Variants in ZNF385C observed in about 807,000 individuals in gnomAD.
The protein encoded by ZNF385C is zinc finger protein 385C.
Under a neutral mutation model 35.4 loss-of-function variants are expected in ZNF385C, and 28 were observed. The ratio of observed to expected loss-of-function variants is 0.79; its 90% confidence interval spans 0.59 to 1.08. The LOEUF is 1.08. Ranked by LOEUF, ZNF385C falls within the 50% of genes least tolerant of loss-of-function variation. The pLI, the probability that ZNF385C is intolerant of heterozygous loss-of-function variation, is 0.00. For missense variants in ZNF385C, 605 were observed against 595.6 expected (o/e 1.02, Z -0.16); for synonymous variants, 248 against 248.2 (o/e 1.00, Z 0.01).
At chr17:42,039,899 C>T (rs2052967606) in intron 2 of ZNF385C, 1 of 1,231,422 alleles carries the variant, frequency 8.1e-7, no homozygotes, top group Non-Finnish European at 1.0e-6. Flanking sequence ...TCCAGCAGGC[C>T]AGCGCCCGCG....
intron 2 of ZNF385C, chr17:42,042,961 G>A (rs940870491): frequency 1.6e-6 from 2 of 1,232,510 alleles, no homozygotes; most frequent in Admixed American, 8.4e-5. Context: ...ATCCTCCTTT[G>A]CCATGCAGTA....
rs898371881 is a variant in ZNF385C, at chr17:42,040,403, C to T, written c.251-2518G>A. 3 of 1,231,908 alleles carry T rather than the reference C, an allele frequency of 2.4e-6. No individual in the cohort carries two copies. The South Asian group carries it at 1.2e-4, about 51-fold the overall frequency. The allele number at this position is 1,231,908 out of a possible 1,614,324, so 76.3% of individuals were successfully genotyped here. A position where few individuals can be genotyped will look rare whatever the true frequency, so the allele number is the denominator to read the frequency against. On this transcript the variant is annotated intron_variant, in intron 2 of 8. Coordinates refer to ENST00000692273, the MANE Select transcript of ZNF385C (RefSeq NM_001392013.1). ...CCCTGGAGGCGGGCCCCACCTGAGC[C>T]GCGCTGAGCTTGGAGGGAGGCCGCA...
rs2052663700 is a variant in ZNF385C at position 42,028,932 on chromosome 17, G to A, written c.818C>T (p.Pro273Leu). 1 of 1,550,612 alleles carries A rather than the reference G, an allele frequency of 6.4e-7. No individual in the cohort carries two copies. Among genetic ancestry groups the A allele is most frequent in the African/African-American group, 1.4e-5 (1 of 73,182 alleles). ...SSSCPPCSPEPGREAPGPEPA... is the reference protein window; with the variant it reads ...SSSCPPCSPELGREAPGPEPA... ...CTCAGGCCCCGGTGCCTCTCTCCCA[G>A]GCTCTGGGGAGCAAGGTGGGCAGGA... Residue 273 changes from proline (P) to leucine (L), a missense_variant, in exon 6 of 9, where the codon CCT (proline) becomes CTT (leucine). Physicochemically the swap from Pro to Leu is moderately conservative, Grantham distance 98 (BLOSUM62 -3). Coordinates refer to ENST00000692273, the MANE Select transcript of ZNF385C (RefSeq NM_001392013.1).
At chr17:42,076,612 ACT>A (rs2053689060) in intron 1 of ZNF385C, among the ~76,000 whole-genome samples, 1 of 151,690 alleles carries the variant, frequency 6.6e-6, no homozygotes, top group Non-Finnish European at 1.5e-5. Context: ...ATAAAATGAG[ACT>A]CTGTCTCAAA....
At chr17:42,028,705 CT>C (rs2143512157) in intron 6 of ZNF385C, 77 bp downstream of exon 6, 1 of 1,479,516 alleles carries the variant, frequency 6.8e-7, no homozygotes, top group East Asian at 2.5e-5. Context: ...CACCCAGGAA[CT>C]CAAGCCTGCC....
At chr17:42,063,382 G>C (rs1274117145) in intron 1 of ZNF385C, among the ~76,000 whole-genome samples, 1 of 152,100 alleles carries the variant, frequency 6.6e-6, no homozygotes, top group African/African-American at 2.4e-5. Context: ...TACATAATTT[G>C]CTGGGCATGG....
intron 2 of ZNF385C, chr17:42,039,577 T>C: frequency 1.1e-6 from 1 of 872,860 alleles, no homozygotes. Context: ...GAAGGGCGGG[T>C]GGATGGCCTC....
At chr17:42,079,190 A>G (rs1598203149) in intron 1 of ZNF385C, among the ~76,000 whole-genome samples, 1 of 43,554 alleles carries the variant, frequency 2.3e-5, no homozygotes. Context: ...TGTCTCGCAA[A>G]AAAAAAAAAA....
intron 2 of ZNF385C, chr17:42,039,951 G>A: frequency 2.4e-6 from 3 of 1,231,196 alleles, no homozygotes; most frequent in South Asian, 4.1e-5. Flanking sequence ...CGAAGTCGGG[G>A]AAGAGCTCGT....
chr17:42,069,839 T>C (rs1055887760), intron 1 of ZNF385C, among the ~76,000 whole-genome samples: 2 of 150,266 alleles, frequency 1.3e-5, no homozygotes, highest in Non-Finnish European at 1.5e-5. Flanking sequence ...GGCTGGGAGT[T>C]TGAGACCAGC....
At chr17:42,080,747 G>A (rs1277068857) in intron 1 of ZNF385C, among the ~76,000 whole-genome samples, 4 of 152,200 alleles carry the variant, frequency 2.6e-5, no homozygotes, top group African/African-American at 9.7e-5. Flanking sequence ...CCAGCTGAGA[G>A]GTTCCAAGAA....
chr17:42,070,217 T>C (rs1332545301), intron 1 of ZNF385C, among the ~76,000 whole-genome samples: 9 of 149,178 alleles, frequency 6.0e-5, no homozygotes, highest in African/African-American at 2.2e-4. Context: ...TGGTGGCAGG[T>C]GCCTGTAGTC....
At chr17:42,084,842 C>T (rs2053789298) in intron 1 of ZNF385C, among the ~76,000 whole-genome samples, 1 of 152,104 alleles carries the variant, frequency 6.6e-6, no homozygotes, top group Non-Finnish European at 1.5e-5. Flanking sequence ...ATCTTGAACA[C>T]CTGAGCTCAA....
chr17:42,085,921 A>C (rs1404469078), intron 1 of ZNF385C, among the ~76,000 whole-genome samples: 1 of 152,124 alleles, frequency 6.6e-6, no homozygotes, highest in Non-Finnish European at 1.5e-5. Flanking sequence ...TTTAAAAATT[A>C]GCCAGGCATG....
chr17:42,027,778 C>G (rs2143500659), intron 7 of ZNF385C, 50 bp from the exon 8 acceptor site: 2 of 1,570,104 alleles, frequency 1.3e-6, no homozygotes, highest in East Asian at 4.5e-5. Context: ...GCCCAAGGAC[C>G]CCAAGACCAT....
intron 1 of ZNF385C, among the ~76,000 whole-genome samples, chr17:42,085,076 C>T (rs566446998): frequency 4.6e-5 from 7 of 152,062 alleles, no homozygotes; most frequent in Non-Finnish European, 7.4e-5. Flanking sequence ...ACAGGCAGAT[C>T]ACCTGAGGCC....
intron 1 of ZNF385C, among the ~76,000 whole-genome samples, chr17:42,085,412 G>A (rs112639381): frequency 5.9e-5 from 9 of 151,346 alleles, no homozygotes; most frequent in African/African-American, 2.2e-4. Flanking sequence ...GGGACTACAA[G>A]TGTGCGCCAC....
intron 2 of ZNF385C, among the ~76,000 whole-genome samples, chr17:42,055,751 AGTGACTCAGGC>A (rs1202066506): frequency 6.6e-6 from 1 of 152,134 alleles, no homozygotes; most frequent in African/African-American, 2.4e-5. Context: ...TCATCAAGCC[AGTGACTCAGGC>A]GTGACTTGAG....
At chr17:42,062,428 G>T in intron 2 of ZNF385C, 1 of 177,528 alleles carries the variant, frequency 5.6e-6, no homozygotes, top group African/African-American at 2.3e-5. Context: ...ACAGACCTGA[G>T]CTGGAGCCTG....
Sources: allele counts gnomAD v4.1 joint callset (sites outside exome capture counted in the v4.1 genomes callset), GRCh38; gene constraint gnomAD v4.1.1; transcripts MANE v1.5; gene names NCBI Gene and HGNC (gene_info 2026-07-23, HGNC 2026-07-21).